Variants in FAM110B observed in about 807,000 individuals in gnomAD.
The protein encoded by FAM110B is protein FAM110B.
In FAM110B, 6 loss-of-function variants were observed where a neutral mutation model predicts 20.4. That is an observed-to-expected ratio of 0.29 (90% CI 0.16 to 0.58). The LOEUF (loss-of-function observed/expected upper bound fraction) is 0.58. Ranked by LOEUF, FAM110B falls within the 20% of genes least tolerant of loss-of-function variation. The pLI, the probability that FAM110B is intolerant of heterozygous loss-of-function variation, is 0.90. For missense variants in FAM110B, 434 were observed against 498.2 expected (o/e 0.87, Z 1.23); for synonymous variants, 226 against 214.1 (o/e 1.06, Z -0.49).
intron 2 of FAM110B, among the ~76,000 whole-genome samples, chr8:58,047,440 T>C (rs2150579169): frequency 6.6e-6 from 1 of 152,250 alleles, no homozygotes; most frequent in Non-Finnish European, 1.5e-5. Context: ...GCTGCCATTT[T>C]TGTTTCCTTT....
At chr8:58,141,818 G>T (rs1245568443) in intron 3 of FAM110B, among the ~76,000 whole-genome samples, 2 of 152,188 alleles carry the variant, frequency 1.3e-5, no homozygotes, top group African/African-American at 2.4e-5. Context: ...CCCGTAGCGG[G>T]GGGCTCCTTT....
At chr8:58,066,885 C>T (rs544369038) in intron 2 of FAM110B, among the ~76,000 whole-genome samples, 4 of 152,264 alleles carry the variant, frequency 2.6e-5, no homozygotes, top group Non-Finnish European at 5.9e-5. Flanking sequence ...ACAGCTCAAA[C>T]GCCGGTCCTT....
intron 2 of FAM110B, among the ~76,000 whole-genome samples, chr8:58,064,148 C>T (rs550402825): frequency 3.9e-5 from 6 of 152,262 alleles, no homozygotes; most frequent in African/African-American, 9.6e-5. Flanking sequence ...ACCATTCATG[C>T]GAACTCCACC....
chr8:58,144,350 T>G (rs1803810219), intron 3 of FAM110B, among the ~76,000 whole-genome samples: 1 of 152,218 alleles, frequency 6.6e-6, no homozygotes. Context: ...GGCATTTCAT[T>G]CAAAATGTGT....
In FAM110B at chr8:58,094,441, G is replaced by A. The variant is rs562217264; in HGVS notation, c.-325+18818G>A. On this transcript the variant is annotated intron_variant, in intron 3 of 3. Coordinates refer to ENST00000519262, the MANE Select transcript of FAM110B (RefSeq NM_001377989.1). ...ACGTTCCACCAATACCTACTTTATT[G>A]AGAGTTTTTAGCATGAAGGGGTATT... is the stretch of plus-strand genomic sequence containing the variant. Among the ~76,000 whole-genome samples the A allele has an allele frequency of 3.9e-5, 6 of 152,268 alleles. No individual in the cohort carries two copies. The East Asian group carries it at 1.2e-3, about 29-fold the overall frequency.
At chr8:58,062,884 A>T (rs976222448) in intron 2 of FAM110B, among the ~76,000 whole-genome samples, 2 of 152,270 alleles carry the variant, frequency 1.3e-5, no homozygotes, top group African/African-American at 4.8e-5. Context: ...TTGTCCAAAT[A>T]ACCAAGGAAT....
At chr8:58,130,057 C>T (rs1215556562) in intron 3 of FAM110B, among the ~76,000 whole-genome samples, 1 of 152,152 alleles carries the variant, frequency 6.6e-6, no homozygotes, top group Non-Finnish European at 1.5e-5. Flanking sequence ...AGGAACTTGA[C>T]ATTCACCTGC....
intron 2 of FAM110B, among the ~76,000 whole-genome samples, chr8:58,060,945 A>G (rs1356667675): frequency 6.6e-6 from 1 of 152,110 alleles, no homozygotes; most frequent in Non-Finnish European, 1.5e-5. Flanking sequence ...TTCTTTACCC[A>G]GAGAAGCCAG....
At chr8:58,140,681 G>A (rs373018856) in intron 3 of FAM110B, among the ~76,000 whole-genome samples, 37 of 152,244 alleles carry the variant, frequency 2.4e-4, no homozygotes, top group Middle Eastern at 3.4e-3. Context: ...CTGCCTTTCC[G>A]CTACACCTAG....
chr8:58,002,812 A>C (rs6989512), intron 1 of FAM110B, among the ~76,000 whole-genome samples: 14,141 of 152,264 alleles, frequency 0.093, 926 homozygotes, highest in East Asian at 0.17. Flanking sequence ...TCAGCAAGTC[A>C]TACTCTTTCT....
intron 3 of FAM110B, among the ~76,000 whole-genome samples, chr8:58,094,368 T>C (rs556868715): frequency 6.6e-6 from 1 of 152,226 alleles, no homozygotes; most frequent in Non-Finnish European, 1.5e-5. Context: ...CCATTCAGTA[T>C]GATATTGATT....
chr8:57,998,749 T>C (rs534618661), intron 1 of FAM110B, among the ~76,000 whole-genome samples: 1 of 152,346 alleles, frequency 6.6e-6, no homozygotes, highest in East Asian at 1.9e-4. Flanking sequence ...TTTTTCATTC[T>C]TTGTGAATGT....
At chr8:58,097,981 G>A (rs7003401) in intron 3 of FAM110B, among the ~76,000 whole-genome samples, 21,559 of 152,184 alleles carry the variant, frequency 0.14, 3,020 homozygotes, top group African/African-American at 0.36. Context: ...GCTCTCCTGT[G>A]TGAGGTCCTG....
At chr8:58,050,877 G>A (rs1805426211) in intron 2 of FAM110B, among the ~76,000 whole-genome samples, 1 of 152,106 alleles carries the variant, frequency 6.6e-6, no homozygotes, top group Non-Finnish European at 1.5e-5. Flanking sequence ...TTTGAATTCC[G>A]CCTCCATGGA....
At chr8:58,056,734 A>G (rs1418232339) in intron 2 of FAM110B, among the ~76,000 whole-genome samples, 1 of 152,176 alleles carries the variant, frequency 6.6e-6, no homozygotes, top group Admixed American at 6.5e-5. Context: ...ACTAATGCAT[A>G]GTTTATTTGA....
At chr8:58,077,266 A>G (rs1229850971) in intron 3 of FAM110B, 1 of 152,258 alleles carries the variant, frequency 6.6e-6, no homozygotes, top group Non-Finnish European at 1.5e-5. Flanking sequence ...ATACTTTCCA[A>G]CAGGCCCATG....
chr8:58,046,156 G>A (rs1412259997), intron 2 of FAM110B, among the ~76,000 whole-genome samples: 1 of 152,056 alleles, frequency 6.6e-6, no homozygotes, highest in Admixed American at 6.6e-5. Flanking sequence ...AATCACTTCA[G>A]TAACATAAAA....
intron 1 of FAM110B, among the ~76,000 whole-genome samples, chr8:58,009,907 T>C (rs1316358249): frequency 6.6e-6 from 1 of 152,170 alleles, no homozygotes; most frequent in African/African-American, 2.4e-5. Context: ...AGAACACTTC[T>C]GTAGGTTTAT....
chr8:58,110,232 G>A (rs1807027237), intron 3 of FAM110B, among the ~76,000 whole-genome samples: 1 of 152,160 alleles, frequency 6.6e-6, no homozygotes, highest in Admixed American at 6.5e-5. Context: ...ATTTGTTGGG[G>A]AGGGTGGGGG....
Sources: gnomAD v4.1 joint callset for allele counts (sites outside exome capture counted in the v4.1 genomes callset) on GRCh38, gnomAD v4.1.1 for gene constraint, MANE v1.5 for transcripts, NCBI Gene and HGNC (gene_info 2026-07-23, HGNC 2026-07-21) for gene names.